The following CASQ2 variants were observed in gnomAD, a reference collection of about 807,000 sequenced individuals.
CASQ2 encodes the protein calsequestrin-2.
A neutral mutation model predicts 46.5 loss-of-function variants in CASQ2; 49 were observed. The observed-to-expected ratio is 1.05, with a 90% CI of 0.84 to 1.34. The LOEUF is 1.34. Among genes scored for constraint, CASQ2 ranks in the 40% most tolerant of loss-of-function variants. The pLI is 0.00. For missense variants in CASQ2, 486 were observed against 481.3 expected (o/e 1.01, Z -0.09); for synonymous variants, 174 against 168.5 (o/e 1.03, Z -0.25).
chr1:115,701,037 G>A lies in CASQ2; in HGVS notation c.*204C>T, dbSNP rs887343518. The stretch of plus-strand genomic sequence containing the variant: ...TCAACATGGGAATAATTTTTCTCCT[G>A]TCCCTGCTAAGTGGGATTGCTGCAT... On this transcript the variant is annotated 3_prime_UTR_variant, in exon 11 of 11. Transcript: ENST00000261448. 2.8e-6 allele frequency: 2 copies of A among 725,550 alleles called. No individual in the cohort carries two copies. The highest frequency in any genetic ancestry group is 2.1e-5 in the Admixed American group (1 of 47,194). 44.9% of individuals were successfully genotyped at this position (725,550 alleles called of 1,614,324 possible).
chr1:115,708,311 A>G (rs564855946), intron 8 of CASQ2, among the ~76,000 whole-genome samples: 33 of 152,242 alleles, frequency 2.2e-4, no homozygotes, highest in Non-Finnish European at 4.3e-4. Context: ...TAAGGTTGAC[A>G]TTAAAGCTGA....
In CASQ2 at chr1:115,727,102, C is replaced by G; in HGVS notation, c.627G>C (p.Leu209Phe). 1 of 1,613,064 alleles carries G rather than the reference C, an allele frequency of 6.2e-7. No individual in the cohort carries two copies. The highest frequency in any genetic ancestry group is 8.5e-7 in the Non-Finnish European group (1 of 1,179,156). ...CATAGAAGTCAACCTCATTCATCTT[C>G]AAAGATAATTTCTTTGCAACCTGTA... ...FDKGVAKKLSLKMNEVDFYEP... is the reference protein window; with the variant it reads ...FDKGVAKKLSFKMNEVDFYEP... The change falls in exon 6 of 11, where the codon TTG becomes TTC. Residue 209 changes from leucine to phenylalanine, a missense_variant. Physicochemically the swap from Leu to Phe is conservative, Grantham distance 22. Coordinates refer to ENST00000261448, the MANE Select transcript of CASQ2 (RefSeq NM_001232.4).
At chr1:115,715,793 A>C (rs1654683279) in intron 8 of CASQ2, among the ~76,000 whole-genome samples, 1 of 152,186 alleles carries the variant, frequency 6.6e-6, no homozygotes, top group Admixed American at 6.5e-5. Flanking sequence ...GGGAAGGAAA[A>C]GCTGGTCTGC....
intron 5 of CASQ2, among the ~76,000 whole-genome samples, chr1:115,730,586 C>T (rs765305237): frequency 6.6e-6 from 1 of 152,100 alleles, no homozygotes; most frequent in Non-Finnish European, 1.5e-5. Flanking sequence ...AACTCATAAC[C>T]CCATCTCTTG....
chr1:115,757,632 G>A (rs1029480844), intron 1 of CASQ2, among the ~76,000 whole-genome samples: 4 of 152,248 alleles, frequency 2.6e-5, no homozygotes, highest in African/African-American at 9.6e-5. Context: ...GTGCTAAATA[G>A]GTTTAGAACA....
At chr1:115,767,677 T>C (rs9428091) in intron 1 of CASQ2, among the ~76,000 whole-genome samples, 59,772 of 151,980 alleles carry the variant, frequency 0.39, 13,150 homozygotes, top group Non-Finnish European at 0.51. Flanking sequence ...GGCCATGTAA[T>C]GCGGATAAAA....
intron 1 of CASQ2, among the ~76,000 whole-genome samples, chr1:115,764,314 A>C (rs1417272248): frequency 1.3e-5 from 2 of 152,242 alleles, no homozygotes; most frequent in Non-Finnish European, 2.9e-5. Context: ...TAATATAGAA[A>C]TACAATATAT....
At position 115,768,337 on chromosome 1, in the gene CASQ2, G is replaced by C. The variant is rs761862949; in HGVS notation, c.205C>G (p.Gln69Glu). The C allele has an allele frequency of 1.9e-6, 3 of 1,613,456 alleles. No individual in the cohort carries two copies. The highest frequency in any genetic ancestry group is 2.5e-6 in the Non-Finnish European group (3 of 1,179,526). ...AGCACGATTTCTTTCAGTTGGAACT[G>C]TTTTTGCGTGACCTTATCTGAAGAC... ...PVSSDKVTQKQFQLKEIVLEL... is the reference protein window; with the variant it reads ...PVSSDKVTQKEFQLKEIVLEL... The change falls in exon 1 of 11, where the codon CAG becomes GAG. Residue 69 changes from glutamine (Q) to glutamate (E), a missense_variant. Transcript: ENST00000261448.
chr1:115,711,472 C>T (rs1570801747), intron 8 of CASQ2, among the ~76,000 whole-genome samples: 1 of 152,274 alleles, frequency 6.6e-6, no homozygotes, highest in African/African-American at 2.4e-5. Context: ...TAACGAGATG[C>T]TATCAGCATG....
intron 8 of CASQ2, among the ~76,000 whole-genome samples, chr1:115,710,194 T>C (rs992123287): frequency 1.3e-5 from 2 of 152,202 alleles, no homozygotes; most frequent in African/African-American, 4.8e-5. Context: ...ATCACGCTGC[T>C]CCAACCTTTA....
At chr1:115,720,204 G>C (rs1024335883) in intron 7 of CASQ2, among the ~76,000 whole-genome samples, 1 of 152,136 alleles carries the variant, frequency 6.6e-6, no homozygotes, top group African/African-American at 2.4e-5. Flanking sequence ...ATAAACAACA[G>C]AAATTTATTT....
chr1:115,712,342 C>A (rs138961113), intron 8 of CASQ2, among the ~76,000 whole-genome samples: 1 of 152,122 alleles, frequency 6.6e-6, no homozygotes, highest in Non-Finnish European at 1.5e-5. Flanking sequence ...CTTCTCCTGG[C>A]GCTAAGATCC....
chr1:115,743,197 G>GTTTATTTA (rs61424506), intron 2 of CASQ2, among the ~76,000 whole-genome samples: 1,297 of 36,336 alleles, frequency 0.036, 13 homozygotes, highest in Middle Eastern at 0.062. Context: ...CTTTATTTTT[G>GTTTATTTA]TTTATTTATT....
Position 115,702,948 on chromosome 1 carries a change from T to A in CASQ2, c.987A>T (p.Pro329=), listed in dbSNP as rs1396168908. 4 of 1,613,732 alleles carry A rather than the reference T, an allele frequency of 2.5e-6. No individual in the cohort carries two copies. Among genetic ancestry groups the A allele is most frequent in the Non-Finnish European group, 3.4e-6 (4 of 1,179,858 alleles). ...EKTFKIDLFR[P]QIGVVNVTDA... is the part of the protein sequence containing the mutation. ...CTGTGACATTCACCACCCCAATCTG[T>A]GGCCTGAATAGGTCAATCTTGAAAG... Residue 329 remains proline (P), a synonymous_variant, in exon 10 of 11, where the codon CCA becomes CCT. Transcript: ENST00000261448.
At chr1:115,767,573 A>T (rs1395739981) in intron 1 of CASQ2, among the ~76,000 whole-genome samples, 1 of 152,170 alleles carries the variant, frequency 6.6e-6, no homozygotes, top group African/African-American at 2.4e-5. Flanking sequence ...AGTGTAAGCC[A>T]TCTTAAGCTG....
intron 1 of CASQ2, among the ~76,000 whole-genome samples, chr1:115,763,378 C>A (rs910053984): frequency 6.6e-6 from 1 of 152,126 alleles, no homozygotes; most frequent in South Asian, 2.1e-4. Flanking sequence ...ACATCGAGAG[C>A]GACCTGTGAC....
In CASQ2 at chr1:115,732,957, C is replaced by A; in HGVS notation, c.550G>T (p.Glu184Ter). The change falls in exon 5 of 11, where the codon GAA (glutamate) becomes TAA (stop). Residue 184 changes from glutamate (E) to a stop codon, truncating the protein, a stop_gained. Transcript: ENST00000261448. LOFTEE classifies it high-confidence loss of function. ...TAAGGCTGGAAGTGTTCAGCTGCTTCTTCAAAAGCCTTGTAGTCTAAGGGG... is the reference window on the plus strand; with the variant it reads ...TAAGGCTGGAAGTGTTCAGCTGCTTATTCAAAAGCCTTGTAGTCTAAGGGG... ...EDSEYYKAFEEAAEHFQPYIK... is the reference protein window; with the variant it reads ...EDSEYYKAFE 2 of 1,613,408 alleles carry A rather than the reference C, an allele frequency of 1.2e-6. No individual in the cohort carries two copies. The highest frequency in any genetic ancestry group is 1.7e-4 in the Middle Eastern group (1 of 6,058).
intron 2 of CASQ2, among the ~76,000 whole-genome samples, chr1:115,742,294 T>C (rs1315136405): frequency 2.0e-5 from 3 of 152,134 alleles, no homozygotes; most frequent in Non-Finnish European, 4.4e-5. Flanking sequence ...ATTTTCTTGA[T>C]ATCAATGATG....
intron 1 of CASQ2, among the ~76,000 whole-genome samples, chr1:115,766,865 T>TA (rs373555751): frequency 1.4e-5 from 2 of 144,884 alleles, no homozygotes; most frequent in African/African-American, 2.6e-5. Context: ...GAGCTAGAGA[T>TA]GATAGATAGA....
Sources: gnomAD v4.1 joint callset for allele counts (sites outside exome capture counted in the v4.1 genomes callset) on GRCh38, gnomAD v4.1.1 for gene constraint, MANE v1.5 for transcripts, NCBI Gene and HGNC (gene_info 2026-07-23, HGNC 2026-07-21) for gene names.